Variants in LRP1B observed in about 807,000 individuals in gnomAD.
LRP1B encodes the protein LDL receptor related protein 1B.
In LRP1B, 217 loss-of-function variants were observed where a neutral mutation model predicts 556.6. The ratio of observed to expected loss-of-function variants is 0.39; its 90% CI spans 0.35 to 0.44. The LOEUF (loss-of-function observed/expected upper bound fraction) is 0.44, where lower values mean the gene tolerates loss of function less well. LRP1B is among the 20% of genes least tolerant of loss of function. LRP1B has a pLI of 1.00. For synonymous variants in LRP1B, 2,047 were observed against 1,865.8 expected (o/e 1.10, Z -2.50); for missense variants, 5,053 against 5,620.8 (o/e 0.90, Z 3.23).
At chr2:141,365,856 G>C (rs1689014118) in intron 3 of LRP1B, among the ~76,000 whole-genome samples, 2 of 151,868 alleles carry the variant, frequency 1.3e-5, no homozygotes, top group African/African-American at 4.8e-5. Context: ...GGTATTTTTA[G>C]TAGAGACGGG....
chr2:140,594,985 T>C (rs1305483318), intron 43 of LRP1B, among the ~76,000 whole-genome samples: 1 of 151,204 alleles, frequency 6.6e-6, no homozygotes, highest in African/African-American at 2.4e-5. Flanking sequence ...AGTTTTTACC[T>C]GTCACACATT....
chr2:141,733,420 A>G (rs565898401), intron 2 of LRP1B, among the ~76,000 whole-genome samples: 1 of 152,072 alleles, frequency 6.6e-6, no homozygotes, highest in Non-Finnish European at 1.5e-5. Flanking sequence ...CGGGTTTAGC[A>G]TCTCTCACCT....
chr2:141,233,776 T>C lies in LRP1B; in HGVS notation c.593-4336A>G, dbSNP rs1340548384. On this transcript the variant is annotated intron_variant, in intron 5 of 90. Transcript: ENST00000389484. The stretch of plus-strand genomic sequence containing the variant: ...GTTCTTGTATTCAATTATAAGAATA[T>C]TAATTTGGCTAGTTTCCTTCTAAGT... Among the ~76,000 whole-genome samples, 3 of 152,254 alleles carry C rather than the reference T, an allele frequency of 2.0e-5. No individual in the cohort carries two copies. The East Asian group carries it at 5.8e-4, about 29-fold the overall frequency.
chr2:141,359,677 AC>A (rs1688747732), intron 3 of LRP1B, among the ~76,000 whole-genome samples: 2 of 151,914 alleles, frequency 1.3e-5, no homozygotes, highest in African/African-American at 4.8e-5. Context: ...AATCGCTTGA[AC>A]CCGGGCAGCA....
chr2:141,068,243 A>G (rs1278474008), intron 7 of LRP1B, among the ~76,000 whole-genome samples: 1 of 152,018 alleles, frequency 6.6e-6, no homozygotes, highest in Non-Finnish European at 1.5e-5. Flanking sequence ...GGAATAGAGG[A>G]CGCAGACATA....
chr2:141,609,528 TTGAG>T (rs970727343), intron 2 of LRP1B, among the ~76,000 whole-genome samples: 68 of 152,228 alleles, frequency 4.5e-4, no homozygotes, highest in African/African-American at 1.5e-3. Flanking sequence ...GTAATGATCT[TTGAG>T]TGTTTGTTTT....
intron 1 of LRP1B, among the ~76,000 whole-genome samples, chr2:141,927,049 A>T (rs928687996): frequency 6.6e-6 from 1 of 152,106 alleles, no homozygotes; most frequent in African/African-American, 2.4e-5. Flanking sequence ...TGCCTCTTTG[A>T]TTAGTTTATA....
chr2:140,892,231 A>C (rs532910325), intron 23 of LRP1B, among the ~76,000 whole-genome samples: 3 of 152,318 alleles, frequency 2.0e-5, no homozygotes, highest in Admixed American at 1.3e-4. Flanking sequence ...TGAATCAAAC[A>C]AAGGAGTAAG....
chr2:140,662,174 T>C (rs572552810), intron 41 of LRP1B, among the ~76,000 whole-genome samples: 1 of 152,018 alleles, frequency 6.6e-6, no homozygotes, highest in South Asian at 2.1e-4. Context: ...ACTACATATA[T>C]ATATCCGCTA....
Position 141,061,932 on chromosome 2 carries a change from T to C in LRP1B, c.1236+119A>G. 4 of 746,346 alleles carry C rather than the reference T, an allele frequency of 5.4e-6. 1 individual carries two copies. The South Asian group carries it at 6.5e-5, about 12-fold the overall frequency. The allele number at this position is 746,346 out of a possible 1,614,324, so 46.2% of individuals were successfully genotyped here. A position where few individuals can be genotyped will look rare whatever the true frequency, so the allele number is the denominator to read the frequency against. On this transcript the variant is annotated intron_variant, in intron 8 of 90. Transcript: ENST00000389484. ...ACATTCTCCAATATAGGAAATATAC[T>C]GTAATTTTTATGACTCATTGCAGCT...
At chr2:140,481,879 T>C (rs1279085054) in intron 59 of LRP1B, among the ~76,000 whole-genome samples, 5 of 152,122 alleles carry the variant, frequency 3.3e-5, no homozygotes, top group African/African-American at 7.2e-5. Flanking sequence ...CCTTGTAATT[T>C]GTTGGATGTG....
At chr2:140,514,047 T>C (rs892790510) in intron 51 of LRP1B, among the ~76,000 whole-genome samples, 4 of 152,020 alleles carry the variant, frequency 2.6e-5, no homozygotes, top group East Asian at 1.9e-4. Context: ...TGTTAAATAT[T>C]TGTGAATATT....
At chr2:141,962,486 C>G (rs1479272363) in intron 1 of LRP1B, among the ~76,000 whole-genome samples, 2 of 151,764 alleles carry the variant, frequency 1.3e-5, no homozygotes, top group Non-Finnish European at 1.5e-5. Context: ...TCACATTGCA[C>G]TGGATTAGAC....
intron 51 of LRP1B, among the ~76,000 whole-genome samples, chr2:140,513,230 A>G (rs994649602): frequency 1.3e-5 from 2 of 152,054 alleles, no homozygotes; most frequent in African/African-American, 4.8e-5. Flanking sequence ...GAAGTGGTCT[A>G]TGATCACACA....
chr2:140,250,991 AT>A (rs1420847729), intron 86 of LRP1B, among the ~76,000 whole-genome samples: 1 of 151,746 alleles, frequency 6.6e-6, no homozygotes, highest in Admixed American at 6.6e-5. Flanking sequence ...TTATTTATTT[AT>A]TTTTTGTAAT....
chr2:141,847,212 C>G (rs1312082064), intron 1 of LRP1B, among the ~76,000 whole-genome samples: 1 of 151,356 alleles, frequency 6.6e-6, no homozygotes, highest in African/African-American at 2.4e-5. Flanking sequence ...AATAAGATTC[C>G]ATTTACTATA....
At chr2:140,872,000 A>G (rs778209436) in intron 25 of LRP1B, among the ~76,000 whole-genome samples, 3 of 146,160 alleles carry the variant, frequency 2.1e-5, no homozygotes, top group Non-Finnish European at 3.0e-5. Context: ...GTATGTGTCT[A>G]TGTGTGTCTA....
At position 141,753,477 on chromosome 2, in the gene LRP1B, C is replaced by T. The variant is rs1306344812; in HGVS notation, c.205+56802G>A. ...CACGCTGTCCACTCCCGAGGGTGTG[C>T]GTATTAGACTTGGCTGGCCATTGCT... On this transcript the variant is annotated intron_variant, in intron 2 of 90. Transcript: ENST00000389484. Among the ~76,000 whole-genome samples the T allele has an allele frequency of 4.6e-5, 7 of 151,650 alleles. No individual in the cohort carries two copies. In the South Asian group the frequency reaches 1.0e-3, roughly 23 times the overall value.
rs139680165 is a variant in LRP1B at position 141,074,398 on chromosome 2, C to T, written c.1014-12125G>A. ...CATGGCATTCTGTACTTCTATAACA[C>T]TGTTTCTTATTTTACTTGCATAAAA... On this transcript the variant is annotated intron_variant, in intron 7 of 90. Coordinates refer to ENST00000389484, the MANE Select transcript of LRP1B (RefSeq NM_018557.3). Among the ~76,000 whole-genome samples, 933 of 152,074 alleles carry T rather than the reference C, an allele frequency of 6.1e-3. 12 individuals carry two copies. The highest frequency in any genetic ancestry group is 0.022 in the African/African-American group (899 of 41,520).
Sources: allele counts gnomAD v4.1 joint callset (sites outside exome capture counted in the v4.1 genomes callset), GRCh38; gene constraint gnomAD v4.1.1; transcripts MANE v1.5; gene names NCBI Gene and HGNC (gene_info 2026-07-23, HGNC 2026-07-21).